GAK: variants seen among roughly 807,000 people sequenced by gnomAD.
GAK encodes the protein cyclin G associated kinase, also known as cyclin-G-associated kinase.
A neutral mutation model predicts 143.9 loss-of-function variants in GAK; 79 were observed. The ratio of observed to expected loss-of-function variants is 0.55; its 90% CI spans 0.46 to 0.66. The LOEUF (loss-of-function observed/expected upper bound fraction) is 0.66. Ranked by LOEUF, GAK falls within the 30% of genes least tolerant of loss-of-function variation. The pLI is 0.00. For synonymous variants in GAK, 881 were observed against 765.5 expected, an observed-to-expected ratio of 1.15 and a Z score of -2.49; for missense variants, 1,693 against 1,779.7, an observed-to-expected ratio of 0.95 and a Z score of 0.88.
intron 15 of GAK, among the ~76,000 whole-genome samples, chr4:881,556 T>A (rs911456178): frequency 1.3e-5 from 2 of 152,132 alleles, no homozygotes; most frequent in African/African-American, 2.4e-5. Context: ...CTGAGCAGCG[T>A]CAGGTGCTCC....
intron 1 of GAK, among the ~76,000 whole-genome samples, chr4:925,339 C>G (rs1311023135): frequency 6.6e-6 from 1 of 152,170 alleles, no homozygotes; most frequent in Non-Finnish European, 1.5e-5. Context: ...AGCGTCCATG[C>G]AAAGGGCTGA....
At chr4:868,940 CACT>C (rs1215397299) in intron 19 of GAK, 6 of 502,158 alleles carry the variant, frequency 1.2e-5, no homozygotes, top group African/African-American at 3.9e-5. Context: ...AGGAACCCAC[CACT>C]GAGGCATCAA....
intron 1 of GAK, among the ~76,000 whole-genome samples, chr4:926,212 C>A (rs373807453): frequency 2.0e-5 from 3 of 152,312 alleles, no homozygotes; most frequent in African/African-American, 7.2e-5. Context: ...GGGTCCTCCC[C>A]AAGAGTGACC....
intron 24 of GAK, among the ~76,000 whole-genome samples, chr4:856,642 T>TCACCACAGCTGCC (rs1749331208): frequency 7.4e-6 from 1 of 135,748 alleles, no homozygotes; most frequent in Non-Finnish European, 1.5e-5. Context: ...CCACAGCTGC[T>TCACCACAGCTGCC]CACACCTGCT....
chr4:905,935 C>T (rs919723777), intron 4 of GAK, among the ~76,000 whole-genome samples: 5 of 152,234 alleles, frequency 3.3e-5, no homozygotes, highest in African/African-American at 9.6e-5. Flanking sequence ...GGGGTGGGCT[C>T]GGAGCAGCCC....
rs1398550228 is a variant in GAK, at chr4:870,879, GA to G, written c.2079del (p.Gln694LysfsTer10). The G allele has an allele frequency of 6.2e-7, 1 of 1,613,598 alleles. No individual in the cohort carries two copies. Among genetic ancestry groups the G allele is most frequent in the Non-Finnish European group, 8.5e-7 (1 of 1,179,880 alleles). ...TGAAATAAATCCGGGTATTTTTCTTGAATGTCACACGCGTCCAGGTCATACC... is the reference window on the plus strand; with the variant it reads ...TGAAATAAATCCGGGTATTTTTCTTGATGTCACACGCGTCCAGGTCATACC... Reference protein sequence around the residue: ...FAKYDLDACDIQEKYPDLFQV... With the variant: ...FAKYDLDACDXQEKYPDLFQV... On this transcript the variant is annotated frameshift_variant, in exon 19 of 28. Transcript: ENST00000314167. LOFTEE classifies it high-confidence loss of function.
chr4:889,700 G>A lies in GAK; in HGVS notation c.1082-730C>T, dbSNP rs112572352. 4.8e-3 allele frequency among the ~76,000 whole-genome samples: 731 copies of A among 152,356 alleles called. 2 individuals carry two copies. Among genetic ancestry groups the A allele is most frequent in the Non-Finnish European group, 8.8e-3 (602 of 68,028 alleles). ...CCCAGGTGAAACCTCCCACACCGCAGTGGGGATGCGGGGCGAGGTCGGGAG... is the reference window on the plus strand; with the variant it reads ...CCCAGGTGAAACCTCCCACACCGCAATGGGGATGCGGGGCGAGGTCGGGAG... On this transcript the variant is annotated intron_variant, in intron 10 of 27. Transcript: ENST00000314167.
chr4:896,580 G>C, intron 6 of GAK, 31 bp from the exon 7 acceptor site: 1 of 1,528,220 alleles, frequency 6.5e-7, no homozygotes, highest in Non-Finnish European at 9.1e-7. Context: ...CAAAGGAAAA[G>C]TTGCATCCCA....
At chr4:916,942 A>G (rs934996117) in intron 1 of GAK, among the ~76,000 whole-genome samples, 3 of 152,262 alleles carry the variant, frequency 2.0e-5, no homozygotes, top group Admixed American at 6.5e-5. Flanking sequence ...CCAAATGTCC[A>G]TCAACAGGTG....
intron 1 of GAK, among the ~76,000 whole-genome samples, chr4:915,015 A>G (rs1577301001): frequency 1.7e-5 from 2 of 114,510 alleles, no homozygotes; most frequent in Admixed American, 9.8e-5. Context: ...GCCCCAGCGC[A>G]CACGGCCCCC....
rs200947459 is a variant in GAK at position 867,427 on chromosome 4, T to C, written c.2401A>G (p.Lys801Glu). The C allele has an allele frequency of 4.3e-5, 65 of 1,517,184 alleles. No homozygotes were observed. The East Asian group carries it at 8.7e-4, about 20-fold the overall frequency. 94.0% of individuals were successfully genotyped at this position (1,517,184 alleles called of 1,614,324 possible). Residue 801 changes from lysine (K) to glutamate (E), a missense_variant, in exon 21 of 28, where the codon AAG (lysine) becomes GAG (glutamate). By Grantham distance (56) the Lys-to-Glu change is moderately conservative. Transcript: ENST00000314167. The part of the protein sequence containing the change: ...FLHTLDWQEE[K>E]EAETGAENAS... ...TTTTCTGCACCAGTCTCTGCCTCCT[T>C]CTCTTCTGCGAAAAGGAAACAAAAC...
chr4:906,622 G>A (rs1040831955), intron 4 of GAK, among the ~76,000 whole-genome samples: 8 of 152,096 alleles, frequency 5.3e-5, no homozygotes, highest in African/African-American at 1.7e-4. Flanking sequence ...CAGTCCATGT[G>A]TGGCATCATC....
intron 8 of GAK, 86 bp from the exon 9 acceptor site, chr4:893,575 G>A: frequency 2.1e-6 from 2 of 950,954 alleles, no homozygotes; most frequent in Non-Finnish European, 3.0e-6. Context: ...CAGACCACCA[G>A]AGGCCACTCC....
chr4:859,582 C>G, intron 24 of GAK, 24 bp downstream of exon 24: 1 of 1,589,140 alleles, frequency 6.3e-7, no homozygotes, highest in Non-Finnish European at 8.6e-7. Flanking sequence ...AGCTTCCACA[C>G]CCCCAAAGTG....
intron 17 of GAK, 121 bp downstream of exon 17, chr4:876,969 G>T: frequency 1.5e-6 from 1 of 678,152 alleles, no homozygotes; most frequent in Admixed American, 2.7e-5. Context: ...GAGAGCCCAC[G>T]GCACTCACCA....
intron 2 of GAK, among the ~76,000 whole-genome samples, chr4:913,279 C>T (rs1332956601): frequency 6.6e-6 from 1 of 152,240 alleles, no homozygotes; most frequent in East Asian, 1.9e-4. Flanking sequence ...ATATTTTTTA[C>T]AAGCAGCTTT....
intron 6 of GAK, among the ~76,000 whole-genome samples, chr4:897,508 G>A (rs1438623870): frequency 6.6e-6 from 1 of 152,160 alleles, no homozygotes; most frequent in Admixed American, 6.5e-5. Flanking sequence ...GGCAGAGACG[G>A]CATCTATCTG....
rs61145496 is a variant in GAK, at chr4:857,597, C to T, written c.3283+2009G>A. ...AGTCGTCAAGCATACTGCACAGAGG[C>T]GCCTGCACCCGTGACCCTCGTAGAG... On this transcript the variant is annotated intron_variant, in intron 24 of 27. Coordinates refer to ENST00000314167, the MANE Select transcript of GAK (RefSeq NM_005255.4). 4.2e-3 allele frequency among the ~76,000 whole-genome samples: 636 copies of T among 152,252 alleles called. 5 individuals carry two copies. Among genetic ancestry groups the T allele is most frequent in the African/African-American group, 0.014 (601 of 41,538 alleles).
At chr4:864,515 G>C (rs548867234) in intron 23 of GAK, among the ~76,000 whole-genome samples, 12 of 152,240 alleles carry the variant, frequency 7.9e-5, no homozygotes, top group Non-Finnish European at 1.8e-4. Flanking sequence ...CCAAGACGCA[G>C]CTGCAGCATA....
Sources: allele counts gnomAD v4.1 joint callset (sites outside exome capture counted in the v4.1 genomes callset), GRCh38; gene constraint gnomAD v4.1.1; transcripts MANE v1.5; gene names NCBI Gene and HGNC (gene_info 2026-07-23, HGNC 2026-07-21).